ECE1: variants seen among roughly 807,000 people sequenced by gnomAD.
ECE1 encodes the protein endothelin-converting enzyme 1.
In ECE1, 35 loss-of-function variants were observed where a neutral mutation model predicts 98.6. The ratio of observed to expected loss-of-function variants is 0.35; its 90% CI spans 0.27 to 0.47. ECE1 has a LOEUF of 0.47. Ranked by LOEUF, ECE1 falls within the 20% of genes least tolerant of loss-of-function variation. The pLI is 1.00. For synonymous variants in ECE1, 394 were observed against 407.1 expected (o/e 0.97, Z 0.39); for missense variants, 814 against 1,025.3 (o/e 0.79, Z 2.81).
At chr1:21,339,126 G>A (rs1440591404) in intron 1 of ECE1, among the ~76,000 whole-genome samples, 1 of 152,060 alleles carries the variant, frequency 6.6e-6, no homozygotes, top group African/African-American at 2.4e-5. Flanking sequence ...GGGAGCTGGG[G>A]ATCTCAGGGC....
At chr1:21,285,312 C>A (rs1000910095) in intron 2 of ECE1, among the ~76,000 whole-genome samples, 1 of 152,148 alleles carries the variant, frequency 6.6e-6, no homozygotes, top group Non-Finnish European at 1.5e-5. Flanking sequence ...AAGATGGTAA[C>A]CCTGAGAAGT....
At chr1:21,241,730 T>G (rs1227400756) in intron 10 of ECE1, among the ~76,000 whole-genome samples, 1 of 151,854 alleles carries the variant, frequency 6.6e-6, no homozygotes, top group African/African-American at 2.4e-5. Context: ...CGGCCTGAGG[T>G]GGAATTTGAA....
At chr1:21,283,265 A>AT (rs964242239) in intron 2 of ECE1, among the ~76,000 whole-genome samples, 41 of 126,298 alleles carry the variant, frequency 3.2e-4, no homozygotes, top group African/African-American at 9.6e-4. Flanking sequence ...CTTTTTTTGA[A>AT]TTTTTTTTAA....
chr1:21,238,274 G>A, intron 10 of ECE1, 30 bp from the exon 11 acceptor site: 1 of 1,558,036 alleles, frequency 6.4e-7, no homozygotes, highest in Non-Finnish European at 8.8e-7. Context: ...GGGCTCGCTG[G>A]GCCCCAGCCC....
At chr1:21,293,397 C>G (rs1638257792), upstream of ECE1, 1 of 152,092 alleles carries the variant, frequency 6.6e-6, no homozygotes, top group Non-Finnish European at 1.5e-5. Context: ...CAGGAGAACC[C>G]TGATGGCAGA....
intron 4 of ECE1, 53 bp downstream of exon 4, chr1:21,272,646 G>A: frequency 6.2e-7 from 1 of 1,607,664 alleles, no homozygotes; most frequent in Middle Eastern, 1.7e-4. Flanking sequence ...GGCTGGGCCA[G>A]CTGACAGCTC....
intron 10 of ECE1, among the ~76,000 whole-genome samples, chr1:21,240,969 C>T (rs766113666): frequency 2.0e-4 from 31 of 152,282 alleles, no homozygotes; most frequent in African/African-American, 4.8e-4. Context: ...CTAGGTCTTT[C>T]GAAGCTAGAG....
In ECE1 at chr1:21,340,664, C is replaced by G. The variant is rs1323920381; in HGVS notation, c.3+4712G>C. ...GACCAGCCTGGGCAACATGGCGAAA[C>G]CCGGTGTCTACTAAAAAAATACAGA... On this transcript the variant is annotated intron_variant, in intron 1 of 18. Coordinates refer to the ECE1 transcript ENST00000415912. This position sits in a 1 kb window ranked among gnomAD's most constrained non-coding sequence, Gnocchi z 4.6. 6.6e-6 allele frequency among the ~76,000 whole-genome samples: 1 copy of G among 152,040 alleles called. No homozygotes were observed. The highest frequency in any genetic ancestry group is 2.4e-5 in the African/African-American group (1 of 41,372).
chr1:21,256,271 T>A, intron 7 of ECE1, 133 bp from the exon 8 acceptor site: 1 of 1,023,214 alleles, frequency 9.8e-7, no homozygotes, highest in Non-Finnish European at 1.4e-6. Flanking sequence ...AAGACACCCG[T>A]GGGGCCAGGT....
intron 3 of ECE1, 61 bp from the exon 4 acceptor site, chr1:21,272,972 G>C: frequency 1.3e-6 from 2 of 1,592,152 alleles, no homozygotes; most frequent in Non-Finnish European, 1.7e-6. Flanking sequence ...AGGGAGGGCA[G>C]AGAAGGGGGC....
intron 10 of ECE1, among the ~76,000 whole-genome samples, chr1:21,241,126 A>G (rs2098195632): frequency 6.6e-6 from 1 of 151,948 alleles, no homozygotes; most frequent in African/African-American, 2.4e-5. Flanking sequence ...TACTGCATAT[A>G]CTGCTCACAG....
intron 4 of ECE1, among the ~76,000 whole-genome samples, chr1:21,269,422 G>A (rs2103315953): frequency 6.6e-6 from 1 of 152,292 alleles, no homozygotes; most frequent in Middle Eastern, 3.4e-3. Flanking sequence ...TAATAAATAA[G>A]AAATAATGAC....
chr1:21,336,224 T>A (rs1335119673), intron 1 of ECE1, among the ~76,000 whole-genome samples: 1 of 152,092 alleles, frequency 6.6e-6, no homozygotes, highest in East Asian at 1.9e-4. Context: ...TACAAAAAAA[T>A]ATCAGAAAAT....
At chr1:21,249,340 C>G (rs2682370) in intron 8 of ECE1, among the ~76,000 whole-genome samples, 4,679 of 150,488 alleles carry the variant, frequency 0.031, 249 homozygotes, top group African/African-American at 0.11. Flanking sequence ...GAGACTCCAT[C>G]TCAAAAAAAA....
intron 2 of ECE1, among the ~76,000 whole-genome samples, chr1:21,280,483 G>T (rs1308560364): frequency 6.6e-6 from 1 of 152,226 alleles, no homozygotes. Context: ...TGGAAGTGGA[G>T]AGGAGAGGAG....
intron 1 of ECE1, among the ~76,000 whole-genome samples, chr1:21,300,276 T>C (rs1638455041): frequency 1.3e-5 from 2 of 152,238 alleles, no homozygotes; most frequent in African/African-American, 4.8e-5. Context: ...AACACCAGGC[T>C]TGGAGTCAGG....
At chr1:21,294,874 G>A (rs2103369129), upstream of ECE1, among the ~76,000 whole-genome samples, 1 of 152,334 alleles carries the variant, frequency 6.6e-6, no homozygotes, top group Middle Eastern at 3.4e-3. This position sits in a 1 kb window ranked among gnomAD's most constrained non-coding sequence, Gnocchi z 4.2. Context: ...CTAAGCCTCA[G>A]CTCCTTAGAG....
intron 14 of ECE1, among the ~76,000 whole-genome samples, chr1:21,230,473 T>G (rs753574665): frequency 6.6e-6 from 1 of 152,166 alleles, no homozygotes; most frequent in Non-Finnish European, 1.5e-5. Context: ...CTGCAACCTC[T>G]GCCTCCAGGG....
At position 21,340,364 on chromosome 1, in the gene ECE1, C is replaced by T. The variant is rs570461533; in HGVS notation, c.3+5012G>A. Among the ~76,000 whole-genome samples, 6 of 152,344 alleles carry T rather than the reference C, an allele frequency of 3.9e-5. No homozygotes were observed. The highest frequency in any genetic ancestry group is 3.3e-4 in the Admixed American group (5 of 15,298). ...ACTGCTCTGGGCAGCATGCCAGGGG[C>T]GTGGTTTGGGCTAGAGGAGGACTGG... On this transcript the variant is annotated intron_variant, in intron 1 of 18. Coordinates refer to the ECE1 transcript ENST00000415912. The surrounding 1 kb of genome is among the most constrained non-coding windows in gnomAD (Gnocchi z 4.6).
Sources: allele counts gnomAD v4.1 joint callset (sites outside exome capture counted in the v4.1 genomes callset), GRCh38; gene constraint gnomAD v4.1.1; non-coding constraint Gnocchi (gnomAD v3.1); transcripts MANE v1.5; gene names NCBI Gene and HGNC (gene_info 2026-07-23, HGNC 2026-07-21).